Variants in OPA3 observed in about 807,000 individuals in gnomAD.
OPA3 encodes optic atrophy 3 protein.
Under a neutral mutation model 4.0 loss-of-function variants are expected in OPA3, and 6 were observed. The ratio of observed to expected loss-of-function variants is 1.51; its 90% confidence interval spans 0.83 to 2.99. The LOEUF (loss-of-function observed/expected upper bound fraction) is 2.99. OPA3 is among the 30% of genes most tolerant of loss of function. The probability of loss-of-function intolerance (pLI) is 0.00; values close to 1 mark genes in which losing one functional copy is unlikely to be tolerated. For missense variants in OPA3, 235 were observed against 256.2 expected (o/e 0.92, Z 0.56); for synonymous variants, 105 against 117.1 (o/e 0.90, Z 0.67).
intron 1 of OPA3, among the ~76,000 whole-genome samples, chr19:45,572,851 T>A (rs12462806): frequency 0.052 from 7,405 of 143,224 alleles, 312 homozygotes; most frequent in African/African-American, 0.099. Context: ...CTATATATAT[T>A]TTTTTTTTAC....
rs371821013 is a variant in OPA3 at position 45,549,438 on chromosome 19, G to A, written c.*4076C>T. ...AGCACTCCATCTGGGTCAGGACAGCGCTGGGGTCAGGAATTGGAGCTCCTG... is the reference window on the plus strand; with the variant it reads ...AGCACTCCATCTGGGTCAGGACAGCACTGGGGTCAGGAATTGGAGCTCCTG... On this transcript the variant is annotated 3_prime_UTR_variant, in exon 2 of 2. Coordinates refer to ENST00000263275, the MANE Select transcript of OPA3 (RefSeq NM_025136.4). 5.6e-5 allele frequency: 55 copies of A among 985,168 alleles called. No individual in the cohort carries two copies. Among genetic ancestry groups the A allele is most frequent in the African/African-American group, 1.7e-4 (10 of 57,182 alleles). The allele number at this position is 985,168 out of a possible 1,614,324, so 61.0% of individuals were successfully genotyped here.
At chr19:45,568,853 G>A (rs1168854472) in intron 1 of OPA3, among the ~76,000 whole-genome samples, 2 of 152,072 alleles carry the variant, frequency 1.3e-5, no homozygotes, top group African/African-American at 2.4e-5. Context: ...CAGGAAATCC[G>A]GGATGAGGCA....
Position 45,556,294 on chromosome 19 carries a change from C to A in OPA3, c.143-2383G>T, listed in dbSNP as rs142214093. Among the ~76,000 whole-genome samples the A allele has an allele frequency of 9.7e-3, 1,480 of 152,250 alleles. 10 individuals carry two copies. The highest frequency in any genetic ancestry group is 0.027 in the Middle Eastern group (8 of 294). ...GAGTAGCTAGGACAACAGGTGCATG[C>A]CACCATGCCTGGCTAATTTTATTTT... is the stretch of plus-strand genomic sequence containing the variant. On this transcript the variant is annotated intron_variant, in intron 1 of 1. Coordinates refer to ENST00000263275, the MANE Select transcript of OPA3 (RefSeq NM_025136.4).
downstream of OPA3, among the ~76,000 whole-genome samples, chr19:45,541,504 G>A (rs1379579448): frequency 6.6e-6 from 1 of 152,114 alleles, no homozygotes; most frequent in Non-Finnish European, 1.5e-5. Flanking sequence ...CCAGAAGTTT[G>A]AGACTAGCCT....
At chr19:45,557,453 C>T in intron 1 of OPA3, among the ~76,000 whole-genome samples, 1 of 152,104 alleles carries the variant, frequency 6.6e-6, no homozygotes, top group Non-Finnish European at 1.5e-5. Flanking sequence ...CTGGAGGACT[C>T]ACCAGACTTG....
chr19:45,560,163 CT>C (rs1287023296), intron 1 of OPA3, among the ~76,000 whole-genome samples: 7 of 152,114 alleles, frequency 4.6e-5, no homozygotes, highest in African/African-American at 1.7e-4. Context: ...CCTCCCTGAA[CT>C]CTCTCCCTCC....
intron 1 of OPA3, among the ~76,000 whole-genome samples, chr19:45,572,078 G>T (rs537386661): frequency 1.4e-5 from 2 of 145,296 alleles, no homozygotes; most frequent in South Asian, 4.3e-4. Context: ...GCTCATGGTG[G>T]CTGCTTTTTT....
chr19:45,584,414 G>T (rs1232819234), intron 1 of OPA3: 9 of 985,184 alleles, frequency 9.1e-6, no homozygotes, highest in Non-Finnish European at 8.4e-6. Flanking sequence ...TACTCGCGTG[G>T]TGGCTCCTTG....
intron 1 of OPA3, among the ~76,000 whole-genome samples, chr19:45,530,966 T>C (rs185574519): frequency 2.4e-4 from 31 of 131,512 alleles, no homozygotes; most frequent in African/African-American, 8.9e-4. Flanking sequence ...TTTTTTTGCA[T>C]TTTAGTAGAG....
chr19:45,545,981 T>C (rs941174873), downstream of OPA3, among the ~76,000 whole-genome samples: 1 of 152,106 alleles, frequency 6.6e-6, no homozygotes, highest in African/African-American at 2.4e-5. Flanking sequence ...CCCTAAATGC[T>C]GGGATTACAG....
In OPA3 at chr19:45,547,006, T is replaced by C. The variant is rs550550509; in HGVS notation, c.*6508A>G. On this transcript the variant is annotated 3_prime_UTR_variant, in exon 2 of 2. Coordinates refer to ENST00000263275, the MANE Select transcript of OPA3 (RefSeq NM_025136.4). ...TCTTATTGTGGCACGTGGCTGTAGA[T>C]TGAGGTGGAGGTTCTGAGATCTGCG... 2.9e-4 allele frequency: 44 copies of C among 152,284 alleles called. No individual in the cohort carries two copies. Among genetic ancestry groups the C allele is most frequent in the African/African-American group, 1.0e-3 (42 of 41,524 alleles). 9.4% of individuals were successfully genotyped at this position (152,284 alleles called of 1,614,324 possible). A position where few individuals can be genotyped will look rare whatever the true frequency, so the allele number is the denominator to read the frequency against.
intron 1 of OPA3, among the ~76,000 whole-genome samples, chr19:45,572,533 T>C (rs1969693016): frequency 8.3e-6 from 1 of 120,812 alleles, no homozygotes; most frequent in Admixed American, 9.3e-5. Flanking sequence ...GAGATATATA[T>C]ATCATATGAT....
At chr19:45,532,892 T>C (rs1969074472) in intron 1 of OPA3, among the ~76,000 whole-genome samples, 1 of 152,078 alleles carries the variant, frequency 6.6e-6, no homozygotes, top group Admixed American at 6.6e-5. Flanking sequence ...ATGATTTTTA[T>C]TTTTTAAATT....
At chr19:45,542,847 T>C (rs919118471), downstream of OPA3, among the ~76,000 whole-genome samples, 1 of 151,792 alleles carries the variant, frequency 6.6e-6, no homozygotes, top group African/African-American at 2.4e-5. Context: ...CTAATTTTAG[T>C]ACTTTTAGTA....
At chr19:45,538,913 AT>A (rs1969152208) in intron 1 of OPA3, among the ~76,000 whole-genome samples, 1 of 152,176 alleles carries the variant, frequency 6.6e-6, no homozygotes, top group South Asian at 2.1e-4. Context: ...AGAATGGGTA[AT>A]TATAAAGGAA....
intron 1 of OPA3, among the ~76,000 whole-genome samples, chr19:45,530,990 A>G (rs1568394683): frequency 1.8e-5 from 2 of 113,636 alleles, no homozygotes; most frequent in African/African-American, 3.5e-5. Flanking sequence ...GGGTTTCACT[A>G]CGTTGGTCAG....
At chr19:45,561,658 A>G (rs995100915) in intron 1 of OPA3, among the ~76,000 whole-genome samples, 2 of 152,204 alleles carry the variant, frequency 1.3e-5, no homozygotes, top group Non-Finnish European at 2.9e-5. Context: ...CATACAAGGA[A>G]GTTGGCTGAT....
At chr19:45,533,578 G>A (rs1394279919) in intron 1 of OPA3, among the ~76,000 whole-genome samples, 10 of 152,186 alleles carry the variant, frequency 6.6e-5, no homozygotes, top group Admixed American at 4.6e-4. Flanking sequence ...CTTTGAGGCC[G>A]GTACTTAAAC....
chr19:45,553,699 A>G lies in OPA3; in HGVS notation c.355T>C (p.Trp119Arg). ...RHKEEEQRAA[W>R]NALRDEVGHL... ...CCCACCTCGTCCCGCAGCGCGTTCCAGGCAGCACGCTGCTCCTCCTCCTTG... is the reference window on the plus strand; with the variant it reads ...CCCACCTCGTCCCGCAGCGCGTTCCGGGCAGCACGCTGCTCCTCCTCCTTG... The change falls in exon 2 of 2, where the codon TGG becomes CGG. Residue 119 changes from tryptophan to arginine, a missense_variant. Transcript: ENST00000263275. 6.2e-7 allele frequency: 1 copy of G among 1,607,686 alleles called. No individual in the cohort carries two copies. The highest frequency in any genetic ancestry group is 8.5e-7 in the Non-Finnish European group (1 of 1,179,102).
Sources: allele counts gnomAD v4.1 joint callset (sites outside exome capture counted in the v4.1 genomes callset), GRCh38; gene constraint gnomAD v4.1.1; transcripts MANE v1.5; gene names NCBI Gene and HGNC (gene_info 2026-07-23, HGNC 2026-07-21).